The following SPATA7 variants were observed in gnomAD, a reference collection of about 807,000 sequenced individuals.
SPATA7 encodes the protein spermatogenesis associated 7, also known as spermatogenesis-associated protein 7.
A neutral mutation model predicts 51.8 loss-of-function variants in SPATA7; 43 were observed. That is an observed-to-expected ratio of 0.83 (90% CI 0.65 to 1.07). The LOEUF (loss-of-function observed/expected upper bound fraction) is 1.07, where lower values mean the gene tolerates loss of function less well. Ranked by LOEUF, SPATA7 falls within the 50% of genes least tolerant of loss-of-function variation. The pLI, the probability that SPATA7 is intolerant of heterozygous loss-of-function variation, is 0.00. For missense variants in SPATA7, 683 were observed against 701.3 expected, an observed-to-expected ratio of 0.97 and a Z score of 0.30; for synonymous variants, 230 against 252.8, an observed-to-expected ratio of 0.91 and a Z score of 0.86.
At chr14:88,391,640 CTAT>C in intron 2 of SPATA7, 185 bp downstream of exon 2, 3 of 659,466 alleles carry the variant, frequency 4.5e-6, no homozygotes, top group Admixed American at 4.2e-5. Flanking sequence ...TGATTTCAAA[CTAT>C]TATTGTGCCC....
intron 1 of SPATA7, chr14:88,386,090 T>A: frequency 7.3e-7 from 1 of 1,374,656 alleles, no homozygotes; most frequent in Admixed American, 2.9e-5. Flanking sequence ...TCTCCTGAAC[T>A]CAGGGTCGTG....
At chr14:88,467,737 TCATAA>T in intron 4 of SPATA7, 1 of 177,772 alleles carries the variant, frequency 5.6e-6, no homozygotes, top group East Asian at 1.8e-4. Flanking sequence ...TAAATATTTG[TCATAA>T]AATAAAAACT....
chr14:88,385,801 G>C lies in SPATA7; in HGVS notation c.-18G>C. 1 of 1,604,096 alleles carries C rather than the reference G, an allele frequency of 6.2e-7. No individual in the cohort carries two copies. Among genetic ancestry groups the C allele is most frequent in the Non-Finnish European group, 8.5e-7 (1 of 1,175,554 alleles). On this transcript the variant is annotated 5_prime_UTR_variant, in exon 1 of 12. Coordinates refer to ENST00000393545, the MANE Select transcript of SPATA7 (RefSeq NM_018418.5). ...GGGGATACAGCGTGTCCCTGCGGCG[G>C]CTGCAAGAGGACTAAGCATGGATGG...
chr14:88,434,412 C>T (rs571836852), intron 10 of SPATA7, among the ~76,000 whole-genome samples: 5 of 152,066 alleles, frequency 3.3e-5, no homozygotes, highest in African/African-American at 1.2e-4. Flanking sequence ...TAGGGCTGGG[C>T]GCAGTGGCTC....
chr14:88,406,016 A>C (rs1226321327), intron 4 of SPATA7, among the ~76,000 whole-genome samples: 1 of 152,224 alleles, frequency 6.6e-6, no homozygotes. Flanking sequence ...TGCAAATATT[A>C]TAATCACCAA....
chr14:88,468,795 C>T lies in SPATA7; in HGVS notation c.255-1052C>T, dbSNP rs1298037179. 26 of 1,241,904 alleles carry T rather than the reference C, an allele frequency of 2.1e-5. No homozygotes were observed. The East Asian group carries it at 5.9e-4, about 28-fold the overall frequency. The allele number at this position is 1,241,904 out of a possible 1,614,324, so 76.9% of individuals were successfully genotyped here. ...AGCCTTTTGCAGGGAACATTAGTAA[C>T]ATCTTGAGGCCACCACAGTCCAAGG... On this transcript the variant is annotated intron_variant, in intron 4 of 4. Coordinates refer to the SPATA7 transcript ENST00000556406.
At chr14:88,458,089 G>A (rs1653538420), downstream of SPATA7, among the ~76,000 whole-genome samples, 2 of 152,116 alleles carry the variant, frequency 1.3e-5, no homozygotes, top group Admixed American at 1.3e-4. Context: ...ACTTGATCAT[G>A]GTGGATAAGC....
chr14:88,439,288 C>G (rs964425208), downstream of SPATA7, among the ~76,000 whole-genome samples: 1 of 152,034 alleles, frequency 6.6e-6, no homozygotes, highest in African/African-American at 2.4e-5. Context: ...ATTCTGTCAG[C>G]TGGCTGAGAT....
chr14:88,392,178 C>T (rs2075763813), intron 2 of SPATA7, among the ~76,000 whole-genome samples: 1 of 151,324 alleles, frequency 6.6e-6, no homozygotes. Context: ...TGTAACATAG[C>T]CATAATGATA....
intron 5 of SPATA7, among the ~76,000 whole-genome samples, chr14:88,419,823 T>A (rs2076590517): frequency 6.6e-6 from 1 of 151,948 alleles, no homozygotes; most frequent in African/African-American, 2.4e-5. Flanking sequence ...AATGGGGCAT[T>A]TAATATGTTT....
At chr14:88,437,688 C>A in intron 11 of SPATA7, 91 bp downstream of exon 11, 2 of 1,346,380 alleles carry the variant, frequency 1.5e-6, no homozygotes, top group Non-Finnish European at 1.0e-6. Flanking sequence ...ACATTAAAAG[C>A]AAGTGCTTTT....
At chr14:88,418,325 C>T (rs563362988) in intron 5 of SPATA7, among the ~76,000 whole-genome samples, 1 of 151,190 alleles carries the variant, frequency 6.6e-6, no homozygotes, top group South Asian at 2.1e-4. Flanking sequence ...TTTATTAATT[C>T]TCTGCCTTAC....
intron 4 of SPATA7, among the ~76,000 whole-genome samples, chr14:88,400,456 A>T (rs1296315829): frequency 6.6e-6 from 1 of 152,222 alleles, no homozygotes; most frequent in Admixed American, 6.5e-5. Flanking sequence ...ATCCCTAGAA[A>T]CATACAACCT....
At chr14:88,465,050 C>G (rs1360203170) in intron 4 of SPATA7, among the ~76,000 whole-genome samples, 1 of 152,172 alleles carries the variant, frequency 6.6e-6, no homozygotes, top group African/African-American at 2.4e-5. Flanking sequence ...GAAGCACAGG[C>G]CCAGCTTCTA....
intron 3 of SPATA7, among the ~76,000 whole-genome samples, chr14:88,447,890 C>T (rs1194659074): frequency 6.6e-6 from 1 of 151,968 alleles, no homozygotes; most frequent in African/African-American, 2.4e-5. Context: ...GAGGGTAACC[C>T]GACCTTTCTC....
intron 9 of SPATA7, 96 bp downstream of exon 9, chr14:88,431,321 CT>C: frequency 8.1e-7 from 1 of 1,239,940 alleles, no homozygotes; most frequent in Non-Finnish European, 1.2e-6. Context: ...ACAATAATCT[CT>C]TTTTTTAAAA....
intron 4 of SPATA7, among the ~76,000 whole-genome samples, chr14:88,462,236 A>G (rs891573195): frequency 1.3e-5 from 2 of 152,214 alleles, no homozygotes. Context: ...CTGACCTGTA[A>G]TATCTGTATC....
intron 10 of SPATA7, 46 bp downstream of exon 10, chr14:88,433,258 T>C (rs530571867): frequency 7.8e-7 from 1 of 1,283,444 alleles, no homozygotes; most frequent in East Asian, 2.3e-5. Context: ...GTACATTAAA[T>C]ATTCTTCATA....
chr14:88,421,009 C>A (rs1305416838), intron 5 of SPATA7, among the ~76,000 whole-genome samples: 1 of 151,666 alleles, frequency 6.6e-6, no homozygotes, highest in African/African-American at 2.4e-5. Flanking sequence ...CCCAGCTACT[C>A]GGGAGGCTGA....
Sources: allele counts gnomAD v4.1 joint callset (sites outside exome capture counted in the v4.1 genomes callset), GRCh38; gene constraint gnomAD v4.1.1; transcripts MANE v1.5; gene names NCBI Gene and HGNC (gene_info 2026-07-23, HGNC 2026-07-21).